The following SH3RF3 variants were observed in gnomAD, a reference collection of about 807,000 sequenced individuals.
The protein encoded by SH3RF3 is E3 ubiquitin-protein ligase SH3RF3.
Under a neutral mutation model 66.3 loss-of-function variants are expected in SH3RF3, and 29 were observed. That is an observed-to-expected ratio of 0.44 (90% CI 0.33 to 0.60). SH3RF3 has a LOEUF of 0.60. Among genes scored for constraint, SH3RF3 ranks in the 20% least tolerant of loss-of-function variants. The probability of loss-of-function intolerance (pLI) is 0.04; values close to 1 mark genes in which losing one functional copy is unlikely to be tolerated. For synonymous variants in SH3RF3, 583 were observed against 532.0 expected, an observed-to-expected ratio of 1.10 and a Z score of -1.32; for missense variants, 1,194 against 1,190.9, an observed-to-expected ratio of 1.00 and a Z score of -0.04.
At chr2:109,447,406 A>G (rs574968192) in intron 7 of SH3RF3, among the ~76,000 whole-genome samples, 30 of 152,156 alleles carry the variant, frequency 2.0e-4, no homozygotes, top group Non-Finnish European at 3.2e-4. Flanking sequence ...AGGATTAACG[A>G]GTGCATAGTT....
chr2:109,195,990 A>G (rs568862245), intron 1 of SH3RF3, among the ~76,000 whole-genome samples: 113 of 152,156 alleles, frequency 7.4e-4, no homozygotes, highest in Non-Finnish European at 1.5e-3. Context: ...ACCACCAGAA[A>G]CTCCCATTTG....
intron 4 of SH3RF3, among the ~76,000 whole-genome samples, chr2:109,403,259 G>T (rs1042550917): frequency 2.0e-5 from 3 of 152,140 alleles, no homozygotes; most frequent in Non-Finnish European, 4.4e-5. Context: ...CAGCTGTTAG[G>T]GGTGCGTCTG....
At chr2:109,408,567 G>C (rs1367435848) in intron 4 of SH3RF3, among the ~76,000 whole-genome samples, 1 of 152,228 alleles carries the variant, frequency 6.6e-6, no homozygotes, top group East Asian at 1.9e-4. Flanking sequence ...CCTCCCATTC[G>C]CTGTCCCCTC....
In SH3RF3 at chr2:109,304,382, C is replaced by T. The variant is rs555288966; in HGVS notation, c.574-43292C>T. Among the ~76,000 whole-genome samples, 4 of 152,202 alleles carry T rather than the reference C, an allele frequency of 2.6e-5. No homozygotes were observed. The East Asian group carries it at 7.7e-4, about 29-fold the overall frequency. On this transcript the variant is annotated intron_variant, in intron 1 of 9. Transcript: ENST00000309415. ...TGGCTTATTTCGTTTAACATAATGTCCTCCAAGTTCATCCATGTTGTCACA... is the reference window on the plus strand; with the variant it reads ...TGGCTTATTTCGTTTAACATAATGTTCTCCAAGTTCATCCATGTTGTCACA...
At chr2:109,174,629 A>T (rs1475070134) in intron 1 of SH3RF3, among the ~76,000 whole-genome samples, 2 of 152,226 alleles carry the variant, frequency 1.3e-5, no homozygotes, top group African/African-American at 4.8e-5. Context: ...GCTATGTTTG[A>T]TAAGGAACAG....
At chr2:109,353,586 G>T (rs189730316) in intron 2 of SH3RF3, among the ~76,000 whole-genome samples, 3 of 152,252 alleles carry the variant, frequency 2.0e-5, no homozygotes, top group Admixed American at 1.3e-4. Flanking sequence ...TGTGTCACCT[G>T]GCCAGGGCTG....
At chr2:109,354,924 A>G (rs934925999) in intron 2 of SH3RF3, among the ~76,000 whole-genome samples, 2 of 152,258 alleles carry the variant, frequency 1.3e-5, no homozygotes, top group Non-Finnish European at 2.9e-5. Flanking sequence ...TACGAAGCTT[A>G]GGAAGAAAGG....
chr2:109,239,056 T>A (rs1679718393), intron 1 of SH3RF3, among the ~76,000 whole-genome samples: 1 of 152,218 alleles, frequency 6.6e-6, no homozygotes, highest in Non-Finnish European at 1.5e-5. Context: ...TCCCTGGGTT[T>A]ATGCAGTGCC....
intron 3 of SH3RF3, among the ~76,000 whole-genome samples, chr2:109,393,759 G>A (rs764147084): frequency 1.1e-4 from 16 of 151,920 alleles, no homozygotes; most frequent in Non-Finnish European, 2.2e-4. Flanking sequence ...GGGGCCCAGG[G>A]GGACACAACT....
intron 8 of SH3RF3, among the ~76,000 whole-genome samples, chr2:109,472,404 G>A (rs1678543658): frequency 6.6e-6 from 1 of 152,126 alleles, no homozygotes; most frequent in Non-Finnish European, 1.5e-5. Flanking sequence ...AGCACAGAAA[G>A]AGGAAATCCA....
At chr2:109,459,653 C>T (rs535554300) in intron 8 of SH3RF3, among the ~76,000 whole-genome samples, 33 of 152,286 alleles carry the variant, frequency 2.2e-4, no homozygotes, top group Non-Finnish European at 2.4e-4. Flanking sequence ...CAGTAGTTCC[C>T]GTTCCTGCCT....
chr2:109,265,605 C>G, intron 1 of SH3RF3, among the ~76,000 whole-genome samples: 1 of 152,198 alleles, frequency 6.6e-6, no homozygotes, highest in East Asian at 1.9e-4. Context: ...CTCAGAAAGC[C>G]CCCCAGGGGC....
At chr2:109,372,106 C>G (rs1207813297) in intron 3 of SH3RF3, among the ~76,000 whole-genome samples, 1 of 152,238 alleles carries the variant, frequency 6.6e-6, no homozygotes, top group Non-Finnish European at 1.5e-5. Flanking sequence ...TTGGAAGGAA[C>G]CGTTGCTGGC....
intron 3 of SH3RF3, among the ~76,000 whole-genome samples, chr2:109,393,776 C>T (rs556000632): frequency 6.9e-4 from 105 of 152,084 alleles, no homozygotes; most frequent in Non-Finnish European, 1.1e-3. Flanking sequence ...AACTACTTTG[C>T]GCTGTTTTTC....
At chr2:109,142,201 C>A (rs572421050) in intron 1 of SH3RF3, among the ~76,000 whole-genome samples, 2 of 152,158 alleles carry the variant, frequency 1.3e-5, no homozygotes, top group Non-Finnish European at 2.9e-5. Flanking sequence ...CGGACTCTTG[C>A]GCCTTTGTGA....
intron 1 of SH3RF3, among the ~76,000 whole-genome samples, chr2:109,158,026 G>A (rs890579860): frequency 4.6e-5 from 7 of 152,158 alleles, no homozygotes; most frequent in Admixed American, 6.5e-5. Context: ...TCTGGGCTGC[G>A]TGCTTCAATT....
intron 1 of SH3RF3, among the ~76,000 whole-genome samples, chr2:109,287,985 G>A (rs966769402): frequency 2.6e-5 from 4 of 152,192 alleles, no homozygotes; most frequent in South Asian, 4.1e-4. Context: ...TTTGAAAGGC[G>A]AAGTGAGCCC....
At chr2:109,325,344 T>C (rs1183014795) in intron 1 of SH3RF3, among the ~76,000 whole-genome samples, 2 of 136,146 alleles carry the variant, frequency 1.5e-5, no homozygotes, top group Admixed American at 7.4e-5. Context: ...TTTTTTTTTT[T>C]TTTTTTTTTT....
At chr2:109,342,300 A>C (rs1238737943) in intron 1 of SH3RF3, among the ~76,000 whole-genome samples, 1 of 152,214 alleles carries the variant, frequency 6.6e-6, no homozygotes, top group African/African-American at 2.4e-5. Context: ...TGGGCCAAAT[A>C]GAGGCTGTGA....
Sources: allele counts gnomAD v4.1 joint callset (sites outside exome capture counted in the v4.1 genomes callset), GRCh38; gene constraint gnomAD v4.1.1; transcripts MANE v1.5; gene names NCBI Gene and HGNC (gene_info 2026-07-23, HGNC 2026-07-21).